Variants in WWP2 observed in about 807,000 individuals in gnomAD.
WWP2 encodes the protein NEDD4-like E3 ubiquitin-protein ligase WWP2.
In WWP2, 57 loss-of-function variants were observed where a neutral mutation model predicts 121.0. The ratio of observed to expected loss-of-function variants is 0.47; its 90% CI spans 0.38 to 0.59. The LOEUF is 0.59. Ranked by LOEUF, WWP2 falls within the 20% of genes least tolerant of loss-of-function variation. The probability of loss-of-function intolerance (pLI) is 0.00; values close to 1 mark genes in which losing one functional copy is unlikely to be tolerated. For missense variants in WWP2, 962 were observed against 1,158.9 expected (o/e 0.83, Z 2.47); for synonymous variants, 449 against 441.3 (o/e 1.02, Z -0.22).
intron 7 of WWP2, among the ~76,000 whole-genome samples, chr16:69,882,831 A>C (rs2057855459): frequency 6.6e-6 from 1 of 152,138 alleles, no homozygotes; most frequent in South Asian, 2.1e-4. Flanking sequence ...AAGTTAGAGA[A>C]CATTGGCTAT....
chr16:69,832,400 A>G (rs1256948216), intron 4 of WWP2, among the ~76,000 whole-genome samples: 1 of 152,184 alleles, frequency 6.6e-6, no homozygotes. Context: ...TTTCTCTAAA[A>G]GATAAGAACT....
intron 19 of WWP2, 187 bp from the exon 20 acceptor site, chr16:69,936,931 G>A (rs778905479): frequency 8.4e-5 from 58 of 688,072 alleles, no homozygotes; most frequent in Non-Finnish European, 1.2e-4. Context: ...CAAAGACTCC[G>A]GTGTCTGCAG....
chr16:69,841,950 C>T, intron 5 of WWP2, 74 bp from the exon 6 acceptor site: 1 of 1,456,548 alleles, frequency 6.9e-7, no homozygotes, highest in Non-Finnish European at 9.4e-7. Flanking sequence ...AGTTCTGTTC[C>T]TGGCCGTCAA....
At chr16:69,929,364 C>G in intron 11 of WWP2, 84 bp from the exon 12 acceptor site, 1 of 1,282,710 alleles carries the variant, frequency 7.8e-7, no homozygotes, top group East Asian at 2.3e-5. Flanking sequence ...TCAGACCCAG[C>G]ACCCAGGAGG....
At position 69,940,038 on chromosome 16, in the gene WWP2, G is replaced by A. The variant is rs187148786; in HGVS notation, c.*98G>A. ...CCCGCAGCCCTTGGGAGGCCCCCGT[G>A]GATGTGGCCCTGTGTGGGACCACAC... On this transcript the variant is annotated 3_prime_UTR_variant, in exon 24 of 24. Transcript: ENST00000359154. 731 of 987,754 alleles carry A rather than the reference G, an allele frequency of 7.4e-4. 13 individuals carry two copies. In the East Asian group the frequency reaches 0.018, roughly 24 times the overall value. The allele number at this position is 987,754 out of a possible 1,614,324, so 61.2% of individuals were successfully genotyped here. A position where few individuals can be genotyped will look rare whatever the true frequency, so the allele number is the denominator to read the frequency against.
intron 10 of WWP2, among the ~76,000 whole-genome samples, chr16:69,923,947 C>T (rs1457310773): frequency 6.6e-6 from 1 of 151,502 alleles, no homozygotes; most frequent in Non-Finnish European, 1.5e-5. Context: ...ACTTGGAATT[C>T]GGGAGATTTT....
At chr16:69,888,013 TTAAAG>T in intron 7 of WWP2, 21 bp from the exon 8 acceptor site, 1 of 1,611,628 alleles carries the variant, frequency 6.2e-7, no homozygotes, top group South Asian at 1.1e-5. Flanking sequence ...TAGTTGATCT[TTAAAG>T]TATGATTTGT....
chr16:69,841,843 G>A (rs746370325), intron 5 of WWP2, among the ~76,000 whole-genome samples, 181 bp from the exon 6 acceptor site: 4 of 152,114 alleles, frequency 2.6e-5, no homozygotes, highest in Non-Finnish European at 5.9e-5. Flanking sequence ...GGCATGGATC[G>A]GATCCATATG....
intron 4 of WWP2, among the ~76,000 whole-genome samples, chr16:69,829,578 C>G (rs543838924): frequency 6.6e-6 from 1 of 152,250 alleles, no homozygotes; most frequent in South Asian, 2.1e-4. Context: ...CCTGCCCTGC[C>G]CTACCCTGCT....
In WWP2 at chr16:69,937,675, G is replaced by A. The variant is rs780721383; in HGVS notation, c.2343+23G>A. 64 of 1,612,378 alleles carry A rather than the reference G, an allele frequency of 4.0e-5. No homozygotes were observed. The Admixed American group carries it at 1.1e-3, about 27-fold the overall frequency. ...CAGGTGGGTCCCGGGCCCAGGCCTTGGCAGGGACATTTGGGCCATCAACCA... is the reference window on the plus strand; with the variant it reads ...CAGGTGGGTCCCGGGCCCAGGCCTTAGCAGGGACATTTGGGCCATCAACCA... On this transcript the variant is annotated intron_variant, in intron 21 of 23. Coordinates refer to ENST00000359154, the MANE Select transcript of WWP2 (RefSeq NM_001270454.2). The surrounding 1 kb of genome is among the most constrained non-coding windows in gnomAD (Gnocchi z 6.6).
At chr16:69,846,997 G>A (rs898439657) in intron 6 of WWP2, among the ~76,000 whole-genome samples, 1 of 152,028 alleles carries the variant, frequency 6.6e-6, no homozygotes, top group African/African-American at 2.4e-5. Flanking sequence ...GGGCTCCAGG[G>A]ATCCTCTTGC....
intron 4 of WWP2, among the ~76,000 whole-genome samples, chr16:69,815,522 C>A (rs1039135206): frequency 6.7e-6 from 1 of 150,322 alleles, no homozygotes; most frequent in Non-Finnish European, 1.5e-5. Context: ...GGGCTGGGCA[C>A]GGTGCCTGTA....
chr16:69,795,135 C>CT (rs2056002298), intron 2 of WWP2, among the ~76,000 whole-genome samples: 1 of 152,092 alleles, frequency 6.6e-6, no homozygotes, highest in African/African-American at 2.4e-5. Flanking sequence ...ACTCAGGAAG[C>CT]TGAGGTGGGA....
At chr16:69,811,584 C>T (rs1216773574) in intron 4 of WWP2, among the ~76,000 whole-genome samples, 1 of 151,812 alleles carries the variant, frequency 6.6e-6, no homozygotes, top group Non-Finnish European at 1.5e-5. Context: ...ACAGTCTCTA[C>T]AAAAATAAAA....
intron 1 of WWP2, among the ~76,000 whole-genome samples, chr16:69,763,962 T>C (rs1001245899): frequency 6.6e-6 from 1 of 152,200 alleles, no homozygotes; most frequent in Non-Finnish European, 1.5e-5. Context: ...TGGATTGGCT[T>C]CTCAGTCTCT....
rs1270704481 is a variant in WWP2 at position 69,903,766 on chromosome 16, C to CAAA, written c.915-4982_915-4980dup. Among the ~76,000 whole-genome samples the CAAA allele has an allele frequency of 8.5e-3, 728 of 86,148 alleles. 7 individuals are homozygous for CAAA. The highest frequency in any genetic ancestry group is 0.028 in the African/African-American group (667 of 23,830). 56.5% of individuals were successfully genotyped at this position (86,148 alleles called of 152,430 possible). A position where few individuals can be genotyped will look rare whatever the true frequency, so the allele number is the denominator to read the frequency against. On this transcript the variant is annotated intron_variant, in intron 8 of 23. Transcript: ENST00000359154. ...CTGGCGACAGAGCAAGAATCTGTCT[C>CAAA]AAAAAAAAAAAAAAAGAAAGAAAGA...
At chr16:69,815,803 A>G (rs79918326) in intron 4 of WWP2, among the ~76,000 whole-genome samples, 1 of 151,490 alleles carries the variant, frequency 6.6e-6, no homozygotes, top group South Asian at 2.1e-4. Flanking sequence ...AAAAAAAAAA[A>G]GGCAATGGAA....
At chr16:69,763,596 G>T (rs1032843811) in intron 1 of WWP2, among the ~76,000 whole-genome samples, 1 of 152,214 alleles carries the variant, frequency 6.6e-6, no homozygotes, top group East Asian at 1.9e-4. Flanking sequence ...TTGCAGCAGC[G>T]CCTATGAGTG....
At chr16:69,806,226 A>G (rs1379445514) in intron 4 of WWP2, among the ~76,000 whole-genome samples, 1 of 152,230 alleles carries the variant, frequency 6.6e-6, no homozygotes, top group Non-Finnish European at 1.5e-5. Flanking sequence ...AAAATCTATT[A>G]TATGAATTTC....
Sources: allele counts gnomAD v4.1 joint callset (sites outside exome capture counted in the v4.1 genomes callset), GRCh38; gene constraint gnomAD v4.1.1; non-coding constraint Gnocchi (gnomAD v3.1); transcripts MANE v1.5; gene names NCBI Gene and HGNC (gene_info 2026-07-23, HGNC 2026-07-21).